The following FAM227B variants were observed in gnomAD, a reference collection of about 807,000 sequenced individuals.
The protein encoded by FAM227B is protein FAM227B.
In FAM227B, 88 loss-of-function variants were observed where a neutral mutation model predicts 73.8. The observed-to-expected ratio is 1.19, with a 90% CI of 1.00 to 1.42. The LOEUF (loss-of-function observed/expected upper bound fraction) is 1.42, where lower values mean the gene tolerates loss of function less well. Ranked by LOEUF, FAM227B falls within the 40% of genes most tolerant of loss-of-function variation. FAM227B has a pLI of 0.00. For missense variants in FAM227B, 632 were observed against 590.9 expected (o/e 1.07, Z -0.72); for synonymous variants, 210 against 190.5 (o/e 1.10, Z -0.84).
chr15:49,489,858 TTTTATATATATATATATATATATATAGAG>T (rs2056862118), intron 11 of FAM227B, among the ~76,000 whole-genome samples: 3 of 7,346 alleles, frequency 4.1e-4, no homozygotes, highest in Non-Finnish European at 1.2e-3. Flanking sequence ...TATATATATA[TTTTATATATATATATATATATATATAGAG>T]AGAGAGAGAG....
At chr15:49,397,522 G>T (rs1446488254) in intron 11 of FAM227B, among the ~76,000 whole-genome samples, 1 of 151,944 alleles carries the variant, frequency 6.6e-6, no homozygotes, top group Non-Finnish European at 1.5e-5. Flanking sequence ...TCCTCGAGAA[G>T]AGCAACTCCA....
chr15:49,552,715 A>T lies in FAM227B; in HGVS notation c.748-10909T>A, dbSNP rs149206979. On this transcript the variant is annotated intron_variant, in intron 9 of 15. Coordinates refer to ENST00000299338, the MANE Select transcript of FAM227B (RefSeq NM_152647.3). ...TGTGTTTTCAAATAGCCTATCTTCA[A>T]GCTCACTAATTCTTTCTTCTGCTTG... Among the ~76,000 whole-genome samples the T allele has an allele frequency of 5.7e-3, 862 of 152,048 alleles. 8 individuals carry two copies. Among genetic ancestry groups the T allele is most frequent in the African/African-American group, 0.02 (827 of 41,480 alleles).
At chr15:49,487,816 C>T (rs1567376656) in intron 11 of FAM227B, 1 of 151,928 alleles carries the variant, frequency 6.6e-6, no homozygotes, top group Non-Finnish European at 1.5e-5. Context: ...GTTAATATGA[C>T]AATGTCTGCA....
At chr15:49,374,613 G>A (rs972760371) in intron 11 of FAM227B, among the ~76,000 whole-genome samples, 1 of 152,186 alleles carries the variant, frequency 6.6e-6, no homozygotes, top group Non-Finnish European at 1.5e-5. Context: ...GGAGTGCAGT[G>A]GTGCCATCTA....
rs149443262 is a variant in FAM227B, at chr15:49,499,520, T to C, written c.1012+8691A>G. 1.9e-3 allele frequency among the ~76,000 whole-genome samples: 283 copies of C among 152,286 alleles called. 2 individuals are homozygous for C. Among genetic ancestry groups the C allele is most frequent in the African/African-American group, 6.6e-3 (276 of 41,556 alleles). Reference sequence around the variant, plus strand: ...TGTATTTAAAATAAAGATGCCCGAGTATATATTTTAGAAACTGACTAGCAG... The same window carrying C: ...TGTATTTAAAATAAAGATGCCCGAGCATATATTTTAGAAACTGACTAGCAG... On this transcript the variant is annotated intron_variant, in intron 11 of 15. Coordinates refer to ENST00000299338, the MANE Select transcript of FAM227B (RefSeq NM_152647.3).
intron 11 of FAM227B, among the ~76,000 whole-genome samples, chr15:49,382,816 T>G (rs979346386): frequency 6.6e-6 from 1 of 152,034 alleles, no homozygotes; most frequent in African/African-American, 2.4e-5. Context: ...AAGAAAAGAC[T>G]CTATGGGTAG....
intron 11 of FAM227B, among the ~76,000 whole-genome samples, chr15:49,396,948 C>T (rs187632663): frequency 1.2e-4 from 18 of 152,310 alleles, no homozygotes; most frequent in Non-Finnish European, 1.9e-4. Context: ...GCCTCTCCTC[C>T]TTCAAAGGAA....
chr15:49,506,565 C>T (rs2058600547), intron 11 of FAM227B, among the ~76,000 whole-genome samples: 1 of 151,924 alleles, frequency 6.6e-6, no homozygotes, highest in Non-Finnish European at 1.5e-5. Context: ...CAAGTCTCAA[C>T]ACGTTGCAAA....
In FAM227B at chr15:49,600,867, C is replaced by T. The variant is rs1298843454; in HGVS notation, c.105+10348G>A. Among the ~76,000 whole-genome samples, 7 of 151,256 alleles carry T rather than the reference C, an allele frequency of 4.6e-5. 1 individual carries two copies. Among genetic ancestry groups the T allele is most frequent in the Admixed American group, 4.6e-4 (7 of 15,188 alleles). On this transcript the variant is annotated intron_variant, in intron 3 of 15. Transcript: ENST00000299338. ...ACCAGCCTGGCCAACATGGTGAAAC[C>T]CCATCTCTACTAAAAATACCAAAAA...
rs1352293671 is a variant in FAM227B at position 49,576,751 on chromosome 15, T to C, written c.536A>G (p.His179Arg). Residue 179 changes from histidine to arginine, a missense_variant, in exon 7 of 16, where the codon CAT (histidine) becomes CGT (arginine). Transcript: ENST00000299338. ...GAAATATTTACATACATCAAAATTATGGGCTTTTAAAATAAAAAGATAAAT... is the reference window on the plus strand; with the variant it reads ...GAAATATTTACATACATCAAAATTACGGGCTTTTAAAATAAAAAGATAAAT... Reference protein sequence around the residue: ...EQIYLFILKAHNFDERVFKIW... With the variant: ...EQIYLFILKARNFDERVFKIW... 8.9e-6 allele frequency: 14 copies of C among 1,566,748 alleles called. No individual in the cohort carries two copies. The highest frequency in any genetic ancestry group is 1.1e-5 in the Non-Finnish European group (13 of 1,137,966).
chr15:49,511,674 G>A (rs534455555), intron 10 of FAM227B, among the ~76,000 whole-genome samples: 53 of 151,924 alleles, frequency 3.5e-4, no homozygotes, highest in Non-Finnish European at 6.6e-4. Context: ...TGTTCTTATC[G>A]TTCAGCTCCC....
intron 3 of FAM227B, among the ~76,000 whole-genome samples, chr15:49,603,283 T>C (rs1247710759): frequency 6.6e-6 from 1 of 152,168 alleles, no homozygotes. Flanking sequence ...AAACATGGAC[T>C]ATCTTTCCAT....
intron 5 of FAM227B, among the ~76,000 whole-genome samples, chr15:49,586,641 C>T (rs1263529925): frequency 1.3e-5 from 2 of 152,100 alleles, no homozygotes; most frequent in Non-Finnish European, 2.9e-5. Context: ...AACTACGCAT[C>T]TTACAAAGGT....
At chr15:49,329,913 C>T (rs1270027222) in intron 15 of FAM227B, 1 of 240,346 alleles carries the variant, frequency 4.2e-6, no homozygotes, top group East Asian at 1.8e-4. Flanking sequence ...CCAATGTGCA[C>T]TCTTCTTTGG....
intron 13 of FAM227B, among the ~76,000 whole-genome samples, chr15:49,349,964 T>G (rs1250212536): frequency 6.6e-6 from 1 of 152,202 alleles, no homozygotes; most frequent in Non-Finnish European, 1.5e-5. Context: ...GATGGGAAAT[T>G]AACTTTGTTG....
At chr15:49,356,182 C>A (rs532738099) in intron 13 of FAM227B, among the ~76,000 whole-genome samples, 1 of 152,096 alleles carries the variant, frequency 6.6e-6, no homozygotes, top group African/African-American at 2.4e-5. Context: ...ACTGCATCAA[C>A]TAACGAGCAA....
intron 9 of FAM227B, among the ~76,000 whole-genome samples, chr15:49,549,905 CG>C (rs1258801511): frequency 9.9e-5 from 11 of 110,572 alleles, no homozygotes; most frequent in South Asian, 2.8e-4. Flanking sequence ...GTTGGCCGGG[CG>C]GGGGGCTGAC....
intron 13 of FAM227B, among the ~76,000 whole-genome samples, chr15:49,363,239 T>C (rs533351815): frequency 1.0e-3 from 155 of 152,382 alleles, no homozygotes; most frequent in Non-Finnish European, 1.9e-3. Flanking sequence ...ATGGTATTGA[T>C]TCTTTATATC....
chr15:49,355,053 CA>C (rs1421023281), intron 13 of FAM227B, among the ~76,000 whole-genome samples: 1 of 150,978 alleles, frequency 6.6e-6, no homozygotes, highest in African/African-American at 2.5e-5. Flanking sequence ...GGAAAACTAA[CA>C]AACAGAAAGG....
Sources: gnomAD v4.1 joint callset for allele counts (sites outside exome capture counted in the v4.1 genomes callset) on GRCh38, gnomAD v4.1.1 for gene constraint, MANE v1.5 for transcripts, NCBI Gene and HGNC (gene_info 2026-07-23, HGNC 2026-07-21) for gene names.